The following TMEM39B variants were observed in gnomAD, a reference collection of about 807,000 sequenced individuals.
The protein encoded by TMEM39B is transmembrane protein 39B.
A neutral mutation model predicts 52.2 loss-of-function variants in TMEM39B; 23 were observed. That is an observed-to-expected ratio of 0.44 (90% CI 0.32 to 0.62). The LOEUF is 0.62. Among genes scored for constraint, TMEM39B ranks in the 20% least tolerant of loss-of-function variants. The probability of loss-of-function intolerance (pLI) is 0.06; values close to 1 mark genes in which losing one functional copy is unlikely to be tolerated. For synonymous variants in TMEM39B, 285 were observed against 264.0 expected (o/e 1.08, Z -0.77); for missense variants, 547 against 642.0 (o/e 0.85, Z 1.60).
chr1:32,085,221 G>C (rs368101052), intron 5 of TMEM39B, among the ~76,000 whole-genome samples: 2 of 151,672 alleles, frequency 1.3e-5, no homozygotes, highest in East Asian at 3.9e-4. Context: ...ATTATCTCTG[G>C]ATTTCTGTTC....
intron 6 of TMEM39B, among the ~76,000 whole-genome samples, chr1:32,092,212 A>G (rs1640637096): frequency 6.6e-6 from 1 of 152,144 alleles, no homozygotes; most frequent in Admixed American, 6.6e-5. Context: ...ACTGGAGTGC[A>G]GTGGCACAAT....
At position 32,100,694 on chromosome 1, in the gene TMEM39B, CAT is replaced by C. The variant is rs1176807523; in HGVS notation, c.1236+133_1236+134del. ...CCAATCCAAAGGAAGACAGTGCACACATGTAGCACAAGGACAGCCATATAAAT... is the reference window on the plus strand; with the variant it reads ...CCAATCCAAAGGAAGACAGTGCACACGTAGCACAAGGACAGCCATATAAAT... On this transcript the variant is annotated intron_variant, in intron 8 of 8. Transcript: ENST00000336294. 2.4e-6 allele frequency: 3 copies of C among 1,239,842 alleles called. No homozygotes were observed. The African/African-American group carries it at 4.4e-5, about 18-fold the overall frequency. The allele number at this position is 1,239,842 out of a possible 1,614,324, so 76.8% of individuals were successfully genotyped here. A position where few individuals can be genotyped will look rare whatever the true frequency, so the allele number is the denominator to read the frequency against.
At chr1:32,092,109 T>G in intron 6 of TMEM39B, 98 bp downstream of exon 6, 6 of 1,123,212 alleles carry the variant, frequency 5.3e-6, no homozygotes, top group Non-Finnish European at 7.6e-6. Flanking sequence ...TATGCTGTTT[T>G]TGATGTGATT....
chr1:32,077,465 C>G, intron 5 of TMEM39B, 147 bp downstream of exon 5: 1 of 1,068,858 alleles, frequency 9.4e-7, no homozygotes. Context: ...CACTCACTCA[C>G]TGAGGTCAGG....
At chr1:32,072,922 G>A (rs1639694812), upstream of TMEM39B, 7 of 1,303,078 alleles carry the variant, frequency 5.4e-6, no homozygotes, top group Non-Finnish European at 7.2e-6. Context: ...GTAGCGGCGC[G>A]GCGGGAGCGC....
At chr1:32,079,046 A>G (rs2124436698) in intron 5 of TMEM39B, among the ~76,000 whole-genome samples, 1 of 151,802 alleles carries the variant, frequency 6.6e-6, no homozygotes, top group South Asian at 2.1e-4. Context: ...ATGCCAATAC[A>G]TACGGGTCTG....
chr1:32,073,420 A>G (rs1354806631), intron 1 of TMEM39B: 1 of 463,290 alleles, frequency 2.2e-6, no homozygotes, highest in Non-Finnish European at 2.9e-6. Context: ...TGGAGGGGTT[A>G]CACTGGGGGC....
At position 32,092,060 on chromosome 1, in the gene TMEM39B, C is replaced by T. The variant is rs576328382; in HGVS notation, c.927+49C>T. ...GAAAGGGACTAGCTGGGACTTTACC[C>T]TGCTGCCTGCCCGATGTGAGTTCTC... On this transcript the variant is annotated intron_variant, in intron 6 of 8. Coordinates refer to ENST00000336294, the MANE Select transcript of TMEM39B (RefSeq NM_018056.4). 7.7e-6 allele frequency: 12 copies of T among 1,548,564 alleles called. No homozygotes were observed. The African/African-American group carries it at 1.2e-4, about 16-fold the overall frequency.
In TMEM39B at chr1:32,075,629, G is replaced by GCCCT; in HGVS notation, c.161_164dup (p.Leu56SerfsTer27). The GCCCT allele has an allele frequency of 1.9e-6, 3 of 1,551,552 alleles. No individual in the cohort carries two copies. The highest frequency in any genetic ancestry group is 2.6e-6 in the Non-Finnish European group (3 of 1,147,010). On this transcript the variant is annotated frameshift_variant, in exon 3 of 9. Transcript: ENST00000336294. LOFTEE classifies it high-confidence loss of function. The stretch of plus-strand genomic sequence containing the variant: ...AGCAGTTCTGGAACAGGCCTCTCCA[G>GCCCT]CCCTCCTCTGGCCACCCAAACTGTT...
chr1:32,073,804 A>G, intron 1 of TMEM39B: 2 of 985,224 alleles, frequency 2.0e-6, no homozygotes, highest in Non-Finnish European at 2.4e-6. Flanking sequence ...AGTGTGGGAA[A>G]CGCTTCCGAG....
intron 5 of TMEM39B, among the ~76,000 whole-genome samples, chr1:32,082,759 A>C (rs1386703344): frequency 7.0e-6 from 1 of 142,296 alleles, no homozygotes; most frequent in Non-Finnish European, 1.5e-5. Flanking sequence ...CCCAGCCAGG[A>C]ACTTTTTTTG....
At chr1:32,076,946 C>T (rs1263535896) in intron 4 of TMEM39B, 100 bp downstream of exon 4, 7 of 1,411,822 alleles carry the variant, frequency 5.0e-6, no homozygotes, top group African/African-American at 1.4e-5. Context: ...AGGGTATTTC[C>T]TTGGGGCTCC....
chr1:32,089,450 C>T (rs1427596716), intron 5 of TMEM39B, among the ~76,000 whole-genome samples: 1 of 151,732 alleles, frequency 6.6e-6, no homozygotes, highest in African/African-American at 2.4e-5. Flanking sequence ...GGATTTTGAT[C>T]CAGGCCTGTT....
chr1:32,077,415 T>C, intron 5 of TMEM39B, 97 bp downstream of exon 5: 1 of 1,440,212 alleles, frequency 6.9e-7, no homozygotes, highest in Non-Finnish European at 9.5e-7. Flanking sequence ...ATCTGGAAGA[T>C]CGGAGGCAGG....
At chr1:32,090,847 A>G (rs1447933798) in intron 5 of TMEM39B, among the ~76,000 whole-genome samples, 3 of 151,976 alleles carry the variant, frequency 2.0e-5, no homozygotes, top group African/African-American at 7.2e-5. Context: ...TCACCATGTT[A>G]GCCAGGATGG....
intron 1 of TMEM39B, chr1:32,073,967 T>TC: frequency 1.1e-6 from 1 of 879,396 alleles, no homozygotes; most frequent in African/African-American, 1.8e-5. Flanking sequence ...CAGGCTGGTC[T>TC]CCAACTCCTG....
intron 1 of TMEM39B, chr1:32,073,308 T>G: frequency 4.5e-6 from 2 of 441,378 alleles, no homozygotes; most frequent in Non-Finnish European, 3.7e-6. Flanking sequence ...GACCAGCTCG[T>G]CGGGGCTAGA....
chr1:32,098,062 T>C (rs1640880036), intron 7 of TMEM39B, among the ~76,000 whole-genome samples: 2 of 152,232 alleles, frequency 1.3e-5, no homozygotes, highest in South Asian at 4.1e-4. Flanking sequence ...AGTGCTGCGA[T>C]CTTGGCTCAC....
intron 7 of TMEM39B, among the ~76,000 whole-genome samples, chr1:32,098,887 A>G (rs894160731): frequency 2.0e-5 from 3 of 152,210 alleles, no homozygotes; most frequent in African/African-American, 7.2e-5. Context: ...AGGTATACAG[A>G]TGGGAAATAA....
Sources: allele counts gnomAD v4.1 joint callset (sites outside exome capture counted in the v4.1 genomes callset), GRCh38; gene constraint gnomAD v4.1.1; transcripts MANE v1.5; gene names NCBI Gene and HGNC (gene_info 2026-07-23, HGNC 2026-07-21).